The following CATSPERT variants were observed in gnomAD, a reference collection of about 807,000 sequenced individuals.
The protein encoded by CATSPERT is cation channel sperm-associated targeting subunit tau.
the CATSPERT span, among the ~76,000 whole-genome samples, chr2:201,581,542 ATGTGTG>A: frequency 4.9e-5 from 2 of 40,970 alleles, no homozygotes; most frequent in African/African-American, 1.1e-4. Context: ...CTGGAAAAAA[ATGTGTG>A]TATATATATA....
At chr2:201,561,925 A>C in the CATSPERT span, among the ~76,000 whole-genome samples, 482 of 151,962 alleles carry the variant, frequency 3.2e-3, 9 homozygotes, top group Admixed American at 0.028. Context: ...AACACCTACA[A>C]CAGCCTCCTA....
At chr2:201,520,704 A>G in the CATSPERT span, among the ~76,000 whole-genome samples, 1 of 152,090 alleles carries the variant, frequency 6.6e-6, no homozygotes, top group Non-Finnish European at 1.5e-5. Flanking sequence ...CCTGGCCAAC[A>G]TGGTGAAACC....
At chr2:201,537,462 C>T in the CATSPERT span, 1 of 1,590,640 alleles carries the variant, frequency 6.3e-7, no homozygotes, top group African/African-American at 1.3e-5. Context: ...TCAGCTTCCT[C>T]ATTTACAAGA....
the CATSPERT span, chr2:201,492,236 G>A: frequency 2.0e-6 from 3 of 1,519,120 alleles, no homozygotes; most frequent in Non-Finnish European, 2.6e-6. Flanking sequence ...TCTCTAAAAG[G>A]TAAATGTGTT....
chr2:201,511,149 G>A, the CATSPERT span, among the ~76,000 whole-genome samples: 1 of 152,218 alleles, frequency 6.6e-6, no homozygotes, highest in South Asian at 2.1e-4. Context: ...GAAAATGTGA[G>A]TGTGGGATGA....
the CATSPERT span, among the ~76,000 whole-genome samples, chr2:201,599,122 G>T: frequency 6.6e-6 from 1 of 151,964 alleles, no homozygotes; most frequent in Non-Finnish European, 1.5e-5. Flanking sequence ...GTGGCCCTCA[G>T]TGGTGTGTCA....
chr2:201,492,835 T>C, the CATSPERT span: 2 of 1,536,530 alleles, frequency 1.3e-6, no homozygotes, highest in African/African-American at 1.4e-5. Flanking sequence ...CTTGGTGATA[T>C]GTCCTGATTC....
the CATSPERT span, chr2:201,619,134 T>C: frequency 1.2e-6 from 2 of 1,613,962 alleles, no homozygotes; most frequent in South Asian, 2.2e-5. Context: ...GCTCCATCTC[T>C]CCATCTTCTG....
At chr2:201,497,411 C>T in the CATSPERT span, among the ~76,000 whole-genome samples, 2 of 152,026 alleles carry the variant, frequency 1.3e-5, no homozygotes, top group African/African-American at 4.8e-5. Flanking sequence ...ACACAGTTTA[C>T]GTTATAACAT....
At chr2:201,545,807 T>C in the CATSPERT span, among the ~76,000 whole-genome samples, 3 of 152,106 alleles carry the variant, frequency 2.0e-5, no homozygotes. Flanking sequence ...CAAACAGCAC[T>C]ATTTTAAGGA....
chr2:201,615,682 C>A, the CATSPERT span, among the ~76,000 whole-genome samples: 1 of 152,036 alleles, frequency 6.6e-6, no homozygotes, highest in Non-Finnish European at 1.5e-5. Context: ...CAAAAGCTAG[C>A]AGAAGGCAAG....
chr2:201,491,776 A>C, the CATSPERT span: 1 of 1,537,074 alleles, frequency 6.5e-7, no homozygotes, highest in Non-Finnish European at 8.7e-7. Context: ...CTTCATTTTC[A>C]GTGTCTTTTC....
chr2:201,521,523 G>A, the CATSPERT span, among the ~76,000 whole-genome samples: 1 of 151,996 alleles, frequency 6.6e-6, no homozygotes, highest in African/African-American at 2.4e-5. Flanking sequence ...TCACTATCAT[G>A]AGAACAGCAA....
chr2:201,535,980 T>A, the CATSPERT span: 1 of 1,608,244 alleles, frequency 6.2e-7, no homozygotes, highest in South Asian at 1.1e-5. Flanking sequence ...TGAATCTAAG[T>A]TCCTGCTCTT....
the CATSPERT span, among the ~76,000 whole-genome samples, chr2:201,578,467 GA>G: frequency 6.6e-6 from 1 of 152,190 alleles, no homozygotes; most frequent in Admixed American, 6.5e-5. Context: ...GAAGTAATAA[GA>G]AAACCTCTAG....
At chr2:201,543,562 G>C in the CATSPERT span, among the ~76,000 whole-genome samples, 2 of 152,010 alleles carry the variant, frequency 1.3e-5, no homozygotes, top group African/African-American at 4.8e-5. Context: ...CAAGGTCTTT[G>C]ACCTCCTTTG....
chr2:201,506,013 A>G, the CATSPERT span, among the ~76,000 whole-genome samples: 1 of 152,200 alleles, frequency 6.6e-6, no homozygotes, highest in Admixed American at 6.6e-5. Context: ...CACACCTGTA[A>G]TCCGAGCACT....
the CATSPERT span, among the ~76,000 whole-genome samples, chr2:201,581,478 AT>A: frequency 0.022 from 6 of 270 alleles, no homozygotes; most frequent in Non-Finnish European, 0.061. Flanking sequence ...ACATTCCGGA[AT>A]ATATATATAT....
the CATSPERT span, among the ~76,000 whole-genome samples, chr2:201,563,201 C>G: frequency 8.2e-6 from 1 of 122,370 alleles, no homozygotes; most frequent in Non-Finnish European, 1.8e-5. Flanking sequence ...GCTGACCCCC[C>G]ACCTCCCTCC....
Sources: gnomAD v4.1 joint callset for allele counts (sites outside exome capture counted in the v4.1 genomes callset) on GRCh38, gnomAD v4.1.1 for gene constraint, MANE v1.5 for transcripts, NCBI Gene and HGNC (gene_info 2026-07-23, HGNC 2026-07-21) for gene names.